The following IDO2 variants were observed in gnomAD, a reference collection of about 807,000 sequenced individuals.
IDO2 encodes the protein indoleamine 2,3-dioxygenase-like 1 protein.
In IDO2, 46 loss-of-function variants were observed where a neutral mutation model predicts 45.1. That is an observed-to-expected ratio of 1.02 (90% confidence interval 0.80 to 1.30). IDO2 has a LOEUF of 1.30. IDO2 is among the 50% of genes most tolerant of loss of function. The pLI, the probability that IDO2 is intolerant of heterozygous loss-of-function variation, is 0.00. For missense variants in IDO2, 544 were observed against 491.8 expected, an observed-to-expected ratio of 1.11 and a Z score of -1.00; for synonymous variants, 218 against 184.9, an observed-to-expected ratio of 1.18 and a Z score of -1.45.
intron 2 of IDO2, among the ~76,000 whole-genome samples, chr8:39,957,058 A>AAG (rs1242043468): frequency 1.3e-5 from 2 of 151,426 alleles, no homozygotes; most frequent in African/African-American, 4.8e-5. Flanking sequence ...AAAAAAAAAA[A>AAG]AAAAAAAGAG....
chr8:39,982,566 A>G, intron 4 of IDO2, 86 bp from the exon 5 acceptor site: 1 of 875,134 alleles, frequency 1.1e-6, no homozygotes, highest in South Asian at 1.7e-5. Flanking sequence ...GTACCACAGG[A>G]TTGCCGAAAT....
intron 9 of IDO2, 134 bp downstream of exon 9, chr8:40,005,512 T>G (rs1802208225): frequency 4.2e-6 from 2 of 476,102 alleles, no homozygotes; most frequent in Non-Finnish European, 7.3e-6. Context: ...CACTCTCAGG[T>G]AAAAGAAGTG....
chr8:39,948,121 CA>C (rs1344931317), intron 1 of IDO2, among the ~76,000 whole-genome samples: 1 of 152,232 alleles, frequency 6.6e-6, no homozygotes, highest in African/African-American at 2.4e-5. Flanking sequence ...CACGGAAGAA[CA>C]AACATTTCAA....
At chr8:39,984,773 G>T (rs549383431) in intron 5 of IDO2, among the ~76,000 whole-genome samples, 1 of 151,588 alleles carries the variant, frequency 6.6e-6, no homozygotes, top group African/African-American at 2.4e-5. Flanking sequence ...TCAGAGAAAT[G>T]ACATCAATGC....
chr8:39,937,105 C>T (rs1807564582), intron 1 of IDO2, among the ~76,000 whole-genome samples: 1 of 152,212 alleles, frequency 6.6e-6, no homozygotes, highest in Non-Finnish European at 1.5e-5. Flanking sequence ...TCCTTTTCTG[C>T]CGCTTTCAAT....
chr8:40,011,350 C>G (rs918965394), intron 9 of IDO2, among the ~76,000 whole-genome samples: 4 of 152,114 alleles, frequency 2.6e-5, no homozygotes, highest in African/African-American at 9.7e-5. Flanking sequence ...TGAAAAAGCC[C>G]CAAATGACTA....
chr8:39,940,649 C>A (rs998173143), intron 1 of IDO2, among the ~76,000 whole-genome samples: 1 of 152,134 alleles, frequency 6.6e-6, no homozygotes, highest in Admixed American at 6.5e-5. Context: ...ACTATGGTCA[C>A]CTTACTGTGC....
chr8:39,955,647 A>T (rs1247719185), intron 2 of IDO2, among the ~76,000 whole-genome samples: 2 of 152,030 alleles, frequency 1.3e-5, no homozygotes, highest in Non-Finnish European at 2.9e-5. Context: ...TGAAGCTTAG[A>T]CTCGAATCTA....
intron 2 of IDO2, among the ~76,000 whole-genome samples, chr8:39,952,314 G>A (rs2729458): frequency 0.017 from 2,637 of 152,286 alleles, 75 homozygotes; most frequent in African/African-American, 0.059. Flanking sequence ...TCGGGAGGCT[G>A]TACCTTCATG....
chr8:39,937,680 C>T (rs1807578731), intron 1 of IDO2, among the ~76,000 whole-genome samples: 1 of 152,104 alleles, frequency 6.6e-6, no homozygotes, highest in Non-Finnish European at 1.5e-5. Context: ...ACCACCACAT[C>T]TGGCTAATTT....
At chr8:39,940,139 C>T (rs1301336910) in intron 1 of IDO2, among the ~76,000 whole-genome samples, 1 of 152,148 alleles carries the variant, frequency 6.6e-6, no homozygotes, top group Non-Finnish European at 1.5e-5. Flanking sequence ...AAGAAAGAGG[C>T]CAGGCAGGGC....
intron 9 of IDO2, among the ~76,000 whole-genome samples, chr8:40,006,306 A>G (rs1308505894): frequency 6.6e-6 from 1 of 152,234 alleles, no homozygotes; most frequent in African/African-American, 2.4e-5. Flanking sequence ...ATGTTGACAT[A>G]AATAAGCTTT....
intron 3 of IDO2, among the ~76,000 whole-genome samples, chr8:39,976,725 C>G (rs987195447): frequency 6.6e-6 from 1 of 152,116 alleles, no homozygotes; most frequent in African/African-American, 2.4e-5. Flanking sequence ...TTTGGCCCTC[C>G]CAAACTGAGG....
chr8:39,960,164 T>C (rs185616913), intron 2 of IDO2, among the ~76,000 whole-genome samples: 10 of 152,336 alleles, frequency 6.6e-5, no homozygotes, highest in Admixed American at 4.6e-4. Flanking sequence ...TGGGTTCTCA[T>C]GGACCTTCCA....
chr8:40,013,998 T>A (rs1174936235), intron 10 of IDO2, among the ~76,000 whole-genome samples: 2 of 152,126 alleles, frequency 1.3e-5, no homozygotes, highest in Non-Finnish European at 2.9e-5. Context: ...GACACTAGCT[T>A]CCTTTTTCTG....
chr8:39,996,260 GGT>G (rs1268170169), intron 8 of IDO2, among the ~76,000 whole-genome samples: 1 of 152,124 alleles, frequency 6.6e-6, no homozygotes, highest in Non-Finnish European at 1.5e-5. Flanking sequence ...GTGCTTCAGC[GGT>G]CACGCTCCTA....
At chr8:40,013,638 G>C in exon 10 of IDO2, 7 of 1,613,810 alleles carry the variant, frequency 4.3e-6, no homozygotes, top group Non-Finnish European at 5.9e-6. Context: ...GAAATACTCC[G>C]GCGGGAGTGC....
rs75960346 is a variant in IDO2 at position 39,962,643 on chromosome 8, C to T, written c.100-965C>T. Reference sequence around the variant, plus strand: ...ATTTATTAAGCAAAAGGGGAGTTCTCTGCAAAGAGAGGGGTTTCACCAGCA... The same window carrying T: ...ATTTATTAAGCAAAAGGGGAGTTCTTTGCAAAGAGAGGGGTTTCACCAGCA... On this transcript the variant is annotated intron_variant, in intron 2 of 10. Coordinates refer to ENST00000502986, the Ensembl canonical transcript of IDO2. Among the ~76,000 whole-genome samples the T allele has an allele frequency of 5.1e-3, 781 of 152,206 alleles. 15 individuals are homozygous for T. The East Asian group carries it at 0.052, about 10-fold the overall frequency.
intron 4 of IDO2, 36 bp from the exon 5 acceptor site, chr8:39,982,616 T>C: frequency 1.5e-6 from 2 of 1,359,614 alleles, no homozygotes; most frequent in Non-Finnish European, 1.0e-6. Flanking sequence ...GCAAGCTTTC[T>C]AGAATATGCT....
Sources: allele counts gnomAD v4.1 joint callset (sites outside exome capture counted in the v4.1 genomes callset), GRCh38; gene constraint gnomAD v4.1.1; transcripts MANE v1.5; gene names NCBI Gene and HGNC (gene_info 2026-07-23, HGNC 2026-07-21).